Variants in CFAP20DC observed in about 807,000 individuals in gnomAD.
The protein encoded by CFAP20DC is CFAP20 domain containing.
A neutral mutation model predicts 101.7 loss-of-function variants in CFAP20DC; 84 were observed. That is an observed-to-expected ratio of 0.83 (90% CI 0.69 to 0.99). CFAP20DC has a LOEUF of 0.99. CFAP20DC is among the 50% of genes least tolerant of loss of function. The probability of loss-of-function intolerance (pLI) is 0.00; values close to 1 mark genes in which losing one functional copy is unlikely to be tolerated. For synonymous variants in CFAP20DC, 359 were observed against 351.2 expected (o/e 1.02, Z -0.25); for missense variants, 1,007 against 970.3 (o/e 1.04, Z -0.50).
chr3:58,965,891 G>A (rs2091486288), intron 4 of CFAP20DC, among the ~76,000 whole-genome samples: 1 of 152,178 alleles, frequency 6.6e-6, no homozygotes, highest in Non-Finnish European at 1.5e-5. Flanking sequence ...AGCTATTACT[G>A]AATGTTATTG....
chr3:58,900,801 C>T (rs887472906), intron 6 of CFAP20DC, among the ~76,000 whole-genome samples: 3 of 152,140 alleles, frequency 2.0e-5, no homozygotes, highest in Admixed American at 6.5e-5. Context: ...ACTTTGTAAC[C>T]CTGTTCCCCT....
At chr3:58,979,478 CA>C (rs1385866949) in intron 4 of CFAP20DC, among the ~76,000 whole-genome samples, 1 of 152,138 alleles carries the variant, frequency 6.6e-6, no homozygotes, top group Non-Finnish European at 1.5e-5. Context: ...AGTATTTATT[CA>C]AATACTGAGG....
At chr3:58,743,623 A>G (rs1382452451) in intron 16 of CFAP20DC, among the ~76,000 whole-genome samples, 2 of 152,198 alleles carry the variant, frequency 1.3e-5, no homozygotes, top group African/African-American at 4.8e-5. Context: ...GGTATGGTGC[A>G]GGGCTCACTC....
chr3:58,950,874 C>A (rs577555774), intron 4 of CFAP20DC, among the ~76,000 whole-genome samples: 123 of 152,236 alleles, frequency 8.1e-4, no homozygotes, highest in Middle Eastern at 3.4e-3. Flanking sequence ...GTCTAAAACA[C>A]CAAAAGCAAT....
chr3:58,914,516 T>C lies in CFAP20DC; in HGVS notation c.394-652A>G, dbSNP rs926630655. On this transcript the variant is annotated intron_variant, in intron 5 of 16. Coordinates refer to ENST00000482387, the MANE Select transcript of CFAP20DC (RefSeq NM_001394063.1). The surrounding 1 kb of genome is among the most constrained non-coding windows in gnomAD (Gnocchi z 4.9). ...GTTAAAGAAAATGAAAAAAAATCAT[T>C]TGGCAAGAAACAAAGACATATTTAA... Among the ~76,000 whole-genome samples, 1 of 151,942 alleles carries C rather than the reference T, an allele frequency of 6.6e-6. No individual in the cohort carries two copies. The highest frequency in any genetic ancestry group is 1.5e-5 in the Non-Finnish European group (1 of 67,968).
Position 58,880,426 on chromosome 3 carries a change from G to A in CFAP20DC, c.715+4119C>T, listed in dbSNP as rs200768047. Among the ~76,000 whole-genome samples the A allele has an allele frequency of 4.6e-5, 7 of 152,238 alleles. No homozygotes were observed. The East Asian group carries it at 1.3e-3, about 29-fold the overall frequency. On this transcript the variant is annotated intron_variant, in intron 7 of 16. Coordinates refer to ENST00000482387, the MANE Select transcript of CFAP20DC (RefSeq NM_001394063.1). Reference sequence around the variant, plus strand: ...TCGTATAGCTGCATGATATCTTATTGTGTGGTTATTGAGTCAATTCCCTAC... The same window carrying A: ...TCGTATAGCTGCATGATATCTTATTATGTGGTTATTGAGTCAATTCCCTAC...
At chr3:58,819,018 G>A (rs1201554719) in intron 14 of CFAP20DC, among the ~76,000 whole-genome samples, 1 of 151,092 alleles carries the variant, frequency 6.6e-6, no homozygotes, top group Admixed American at 6.6e-5. Context: ...CGTGGAAACT[G>A]AACAACCTGC....
intron 4 of CFAP20DC, among the ~76,000 whole-genome samples, chr3:58,993,841 A>G (rs1053407752): frequency 1.3e-5 from 2 of 152,172 alleles, no homozygotes; most frequent in Non-Finnish European, 2.9e-5. Context: ...AATGATGGGC[A>G]TTTGGGCTGA....
intron 15 of CFAP20DC, among the ~76,000 whole-genome samples, chr3:58,754,246 T>C (rs764824913): frequency 3.9e-5 from 6 of 152,188 alleles, no homozygotes; most frequent in Non-Finnish European, 7.4e-5. Flanking sequence ...CCACATGTCA[T>C]GGATGGTCAC....
intron 5 of CFAP20DC, among the ~76,000 whole-genome samples, chr3:58,931,142 C>A (rs2086609306): frequency 6.6e-6 from 1 of 152,144 alleles, no homozygotes; most frequent in Non-Finnish European, 1.5e-5. Context: ...CTCGGAGGGT[C>A]CTACGCCCAC....
intron 15 of CFAP20DC, among the ~76,000 whole-genome samples, chr3:58,764,124 C>T (rs544847847): frequency 6.6e-6 from 1 of 152,128 alleles, no homozygotes; most frequent in Non-Finnish European, 1.5e-5. Context: ...CTATGCCCTG[C>T]CCCCCAGAGG....
intron 5 of CFAP20DC, among the ~76,000 whole-genome samples, chr3:58,929,458 A>C (rs1187399284): frequency 6.6e-6 from 1 of 152,226 alleles, no homozygotes; most frequent in Non-Finnish European, 1.5e-5. Flanking sequence ...TTACATGAAT[A>C]AGGAAATCAA....
intron 7 of CFAP20DC, among the ~76,000 whole-genome samples, chr3:58,879,791 A>G (rs1441753559): frequency 6.6e-6 from 1 of 152,196 alleles, no homozygotes; most frequent in African/African-American, 2.4e-5. Context: ...CCAGTAGTGA[A>G]AAAGTATCTG....
rs1015946680 is a variant in CFAP20DC at position 58,894,623 on chromosome 3, G to A, written c.551-9914C>T. ...GCTGGCACTGTCTGTGGGTTTTCCA[G>A]GCACACAGTGCAAGCTGTCAGTGGA... is the stretch of plus-strand genomic sequence containing the variant. On this transcript the variant is annotated intron_variant, in intron 6 of 16. Coordinates refer to ENST00000482387, the MANE Select transcript of CFAP20DC (RefSeq NM_001394063.1). The surrounding 1 kb of genome is among the most constrained non-coding windows in gnomAD (Gnocchi z 4.1). Among the ~76,000 whole-genome samples the A allele has an allele frequency of 6.6e-6, 1 of 152,174 alleles. No individual in the cohort carries two copies. Among genetic ancestry groups the A allele is most frequent in the Non-Finnish European group, 1.5e-5 (1 of 68,020 alleles).
chr3:58,765,122 C>T (rs768995929), intron 15 of CFAP20DC, among the ~76,000 whole-genome samples: 16 of 152,128 alleles, frequency 1.1e-4, no homozygotes, highest in Non-Finnish European at 1.5e-4. Flanking sequence ...AATCAGTTAC[C>T]TATAGAACTG....
rs2067466721 is a variant in CFAP20DC, at chr3:58,721,088, T to C, written c.198-3460A>G. On this transcript the variant is annotated intron_variant, in intron 3 of 3. Transcript: ENST00000486145. This position sits in a 1 kb window ranked among gnomAD's most constrained non-coding sequence, Gnocchi z 5.2. Reference sequence around the variant, plus strand: ...CTCCCAGAGCTTTTCTTTCAACACATACCTCCAGAGGGTTTATCTGTTTAT... The same window carrying C: ...CTCCCAGAGCTTTTCTTTCAACACACACCTCCAGAGGGTTTATCTGTTTAT... 6.6e-6 allele frequency among the ~76,000 whole-genome samples: 1 copy of C among 152,310 alleles called. No individual in the cohort carries two copies. The highest frequency in any genetic ancestry group is 2.4e-5 in the African/African-American group (1 of 41,574).
chr3:58,992,517 C>T, intron 4 of CFAP20DC: 1 of 966,322 alleles, frequency 1.0e-6, no homozygotes, highest in Non-Finnish European at 1.2e-6. Flanking sequence ...CCTCGTTCTT[C>T]AAATGGTTTG....
intron 3 of CFAP20DC, among the ~76,000 whole-genome samples, chr3:58,730,606 A>C (rs1479824360): frequency 6.6e-6 from 1 of 152,184 alleles, no homozygotes; most frequent in African/African-American, 2.4e-5. Flanking sequence ...GCGTCTTTCC[A>C]AGTTTCCTAT....
At chr3:58,818,786 C>A (rs1403902744) in intron 14 of CFAP20DC, among the ~76,000 whole-genome samples, 19 of 118,716 alleles carry the variant, frequency 1.6e-4, no homozygotes, top group African/African-American at 6.5e-4. Context: ...CTGCACCAAG[C>A]GGACCTAATA....
Sources: allele counts gnomAD v4.1 joint callset (sites outside exome capture counted in the v4.1 genomes callset), GRCh38; gene constraint gnomAD v4.1.1; non-coding constraint Gnocchi (gnomAD v3.1); transcripts MANE v1.5; gene names NCBI Gene and HGNC (gene_info 2026-07-23, HGNC 2026-07-21).